The following CENPP variants were observed in gnomAD, a reference collection of about 807,000 sequenced individuals.
CENPP encodes the protein centromere protein P.
A neutral mutation model predicts 35.6 loss-of-function variants in CENPP; 24 were observed. The observed-to-expected ratio is 0.67, with a 90% CI of 0.49 to 0.95. The LOEUF (loss-of-function observed/expected upper bound fraction) is 0.95, where lower values mean the gene tolerates loss of function less well. Among genes scored for constraint, CENPP ranks in the 40% least tolerant of loss-of-function variants. The pLI is 0.00. For synonymous variants in CENPP, 120 were observed against 125.5 expected (o/e 0.96, Z 0.29); for missense variants, 332 against 345.3 (o/e 0.96, Z 0.31).
intron 5 of CENPP, among the ~76,000 whole-genome samples, chr9:92,578,758 C>T (rs1850347274): frequency 6.6e-6 from 1 of 151,656 alleles, no homozygotes; most frequent in South Asian, 2.1e-4. Context: ...GTTGCCTGTT[C>T]ACTCTGATGG....
intron 5 of CENPP, among the ~76,000 whole-genome samples, chr9:92,479,456 G>C (rs1845833298): frequency 6.6e-6 from 1 of 152,174 alleles, no homozygotes; most frequent in Non-Finnish European, 1.5e-5. Flanking sequence ...ATAGTAGTTA[G>C]GCCCTTTCCT....
chr9:92,377,478 A>C (rs1252079387), intron 4 of CENPP, among the ~76,000 whole-genome samples: 1 of 152,210 alleles, frequency 6.6e-6, no homozygotes, highest in Non-Finnish European at 1.5e-5. Flanking sequence ...GCTATCTTTA[A>C]GACTGCTACT....
intron 5 of CENPP, among the ~76,000 whole-genome samples, chr9:92,545,577 C>G (rs1238856642): frequency 6.6e-6 from 1 of 152,202 alleles, no homozygotes; most frequent in African/African-American, 2.4e-5. Flanking sequence ...ACGAGCTCTG[C>G]CCCCTGCTCC....
intron 5 of CENPP, among the ~76,000 whole-genome samples, chr9:92,435,319 C>G (rs1844221870): frequency 6.7e-6 from 1 of 150,244 alleles, no homozygotes; most frequent in African/African-American, 2.5e-5. Flanking sequence ...ACCTTAGATT[C>G]TACTGCAATC....
At chr9:92,512,154 G>A (rs762010252) in intron 5 of CENPP, 9 of 1,505,946 alleles carry the variant, frequency 6.0e-6, no homozygotes, top group Non-Finnish European at 5.5e-6. Context: ...TATGTTTTAG[G>A]CATGTGTGCA....
At chr9:92,398,937 C>T (rs1842998191) in intron 5 of CENPP, among the ~76,000 whole-genome samples, 1 of 151,970 alleles carries the variant, frequency 6.6e-6, no homozygotes. Context: ...TGGCGCGTGC[C>T]TGTAATCCCA....
Position 92,523,574 on chromosome 9 carries a change from A to G in CENPP, c.565-87740A>G, listed in dbSNP as rs79902571. Among the ~76,000 whole-genome samples, 734 of 152,350 alleles carry G rather than the reference A, an allele frequency of 4.8e-3. 4 individuals carry two copies. The highest frequency in any genetic ancestry group is 0.015 in the African/African-American group (617 of 41,582). On this transcript the variant is annotated intron_variant, in intron 5 of 7. Coordinates refer to ENST00000375587, the MANE Select transcript of CENPP (RefSeq NM_001012267.3). Reference sequence around the variant, plus strand: ...GTCTCCACACGATTTATTGAGTACAATCACTTAGATCTAAGAAGCAGATGT... The same window carrying G: ...GTCTCCACACGATTTATTGAGTACAGTCACTTAGATCTAAGAAGCAGATGT...
intron 4 of CENPP, among the ~76,000 whole-genome samples, chr9:92,373,418 T>C (rs1448472523): frequency 3.3e-5 from 5 of 152,326 alleles, no homozygotes; most frequent in Admixed American, 2.6e-4. Context: ...AGAATTTGTT[T>C]TGTTCTTTTA....
At chr9:92,449,388 A>G (rs925722082) in intron 5 of CENPP, among the ~76,000 whole-genome samples, 1 of 136,322 alleles carries the variant, frequency 7.3e-6, no homozygotes, top group African/African-American at 2.7e-5. Flanking sequence ...CAGTGAGCCA[A>G]GATTGCACCA....
chr9:92,434,243 G>T (rs1314875637), intron 5 of CENPP, among the ~76,000 whole-genome samples: 1 of 151,940 alleles, frequency 6.6e-6, no homozygotes, highest in East Asian at 1.9e-4. Flanking sequence ...ACAAAAATTA[G>T]CTGGGTGTGG....
At chr9:92,527,471 T>C (rs1423265931) in intron 5 of CENPP, among the ~76,000 whole-genome samples, 1 of 152,236 alleles carries the variant, frequency 6.6e-6, no homozygotes, top group African/African-American at 2.4e-5. Context: ...AAGTACACTT[T>C]ATGATGTATG....
chr9:92,444,823 C>G (rs1280805440), intron 5 of CENPP, among the ~76,000 whole-genome samples: 1 of 152,114 alleles, frequency 6.6e-6, no homozygotes. Flanking sequence ...TGCTGGAGCA[C>G]TCTGCCAGTT....
intron 5 of CENPP, among the ~76,000 whole-genome samples, chr9:92,584,649 G>T (rs1850501581): frequency 6.6e-6 from 1 of 152,152 alleles, no homozygotes; most frequent in Admixed American, 6.5e-5. Flanking sequence ...CCAGTTAGTT[G>T]TATTGTTCAT....
At chr9:92,472,489 C>G (rs1564340590) in intron 5 of CENPP, among the ~76,000 whole-genome samples, 1 of 151,932 alleles carries the variant, frequency 6.6e-6, no homozygotes, top group Non-Finnish European at 1.5e-5. Context: ...AAAACCTCGT[C>G]TCTACTAAAA....
Position 92,532,015 on chromosome 9 carries a change from G to T in CENPP, c.565-79299G>T, listed in dbSNP as rs2398752. On this transcript the variant is annotated intron_variant, in intron 5 of 7. Transcript: ENST00000375587. ...TTTTCTTTTTCTTTTTTTATTTAAT[G>T]TTTTTTTTTTTTTATTTTATTTTTT... Among the ~76,000 whole-genome samples, 132 of 95,556 alleles carry T rather than the reference G, an allele frequency of 1.4e-3. 1 individual carries two copies. Among genetic ancestry groups the T allele is most frequent in the African/African-American group, 3.9e-3 (65 of 16,792 alleles). 62.7% of individuals were successfully genotyped at this position (95,556 alleles called of 152,430 possible).
chr9:92,563,267 C>T (rs894521983), intron 5 of CENPP, among the ~76,000 whole-genome samples: 4 of 152,200 alleles, frequency 2.6e-5, no homozygotes, highest in African/African-American at 9.7e-5. Flanking sequence ...TCTCCAGCTT[C>T]ACGGTGCTCC....
intron 2 of CENPP, among the ~76,000 whole-genome samples, chr9:92,333,140 A>G (rs1840808228): frequency 6.6e-6 from 1 of 152,186 alleles, no homozygotes; most frequent in South Asian, 2.1e-4. Flanking sequence ...ATGCACTAAG[A>G]GATAAAGGGA....
rs1424459108 is a variant in CENPP at position 92,616,068 on chromosome 9, A to G, written c.*2919A>G. ...GGCCTTTGATCAGAGCTGCAAGTAA[A>G]AAGTACCATTTCAGGATACACAAGC... is the stretch of plus-strand genomic sequence containing the variant. On this transcript the variant is annotated 3_prime_UTR_variant, in exon 8 of 8. Transcript: ENST00000375587. 1 of 1,603,048 alleles carries G rather than the reference A, an allele frequency of 6.2e-7. No individual in the cohort carries two copies. Among genetic ancestry groups the G allele is most frequent in the Non-Finnish European group, 8.5e-7 (1 of 1,171,418 alleles).
chr9:92,545,404 C>T (rs886326349), intron 5 of CENPP, among the ~76,000 whole-genome samples: 4 of 152,168 alleles, frequency 2.6e-5, no homozygotes, highest in Admixed American at 2.6e-4. Context: ...CCAGCAGCTG[C>T]GGAGGGTGCG....
Sources: gnomAD v4.1 joint callset for allele counts (sites outside exome capture counted in the v4.1 genomes callset) on GRCh38, gnomAD v4.1.1 for gene constraint, MANE v1.5 for transcripts, NCBI Gene and HGNC (gene_info 2026-07-23, HGNC 2026-07-21) for gene names.